PTPRG: variants seen among roughly 807,000 people sequenced by gnomAD.
PTPRG encodes receptor-type tyrosine-protein phosphatase gamma.
PTPRG carries 102 observed loss-of-function variants against 165.3 expected under a neutral mutation model. The observed-to-expected ratio is 0.62, with a 90% CI of 0.53 to 0.73. The LOEUF is 0.73. Ranked by LOEUF, PTPRG falls within the 30% of genes least tolerant of loss-of-function variation. The pLI is 0.00. For synonymous variants in PTPRG, 675 were observed against 669.5 expected (o/e 1.01, Z -0.13); for missense variants, 1,866 against 1,861.4 (o/e 1.00, Z -0.05).
intron 2 of PTPRG, among the ~76,000 whole-genome samples, chr3:61,904,845 C>T (rs1458215481): frequency 2.6e-5 from 4 of 151,908 alleles, no homozygotes; most frequent in Non-Finnish European, 5.9e-5. Flanking sequence ...GGGTTTTCAT[C>T]CTAGTAAAGA....
intron 13 of PTPRG, among the ~76,000 whole-genome samples, chr3:62,225,517 T>A (rs373957233): frequency 1.2e-4 from 18 of 151,394 alleles, no homozygotes; most frequent in African/African-American, 9.8e-5. Context: ...TTTTTAGTTT[T>A]GTTTTTTTTT....
At chr3:61,813,338 AAAAAAAAAT>A (rs1051359960) in intron 2 of PTPRG, among the ~76,000 whole-genome samples, 26 of 150,460 alleles carry the variant, frequency 1.7e-4, no homozygotes, top group African/African-American at 4.6e-4. Context: ...AAAAAAAAAA[AAAAAAAAAT>A]AGAAAAAAAA....
intron 1 of PTPRG, among the ~76,000 whole-genome samples, chr3:61,677,096 T>C (rs1174612637): frequency 6.6e-6 from 1 of 151,812 alleles, no homozygotes; most frequent in Non-Finnish European, 1.5e-5. Flanking sequence ...AATATAAAAA[T>C]TAGCTGGGCA....
intron 1 of PTPRG, among the ~76,000 whole-genome samples, chr3:61,574,694 G>C (rs1360708334): frequency 6.6e-6 from 1 of 152,184 alleles, no homozygotes; most frequent in Non-Finnish European, 1.5e-5. Context: ...AGTTTATAAA[G>C]AAAAGAGGTT....
At chr3:61,642,386 G>T (rs1702091313) in intron 1 of PTPRG, among the ~76,000 whole-genome samples, 1 of 152,188 alleles carries the variant, frequency 6.6e-6, no homozygotes, top group African/African-American at 2.4e-5. Context: ...GAGATCTTCT[G>T]TTCTGGTGAT....
In PTPRG at chr3:62,203,712, G is replaced by C; in HGVS notation, c.1917G>C (p.Gln639His). Residue 639 changes from glutamine to histidine, a missense_variant, in exon 12 of 30, where the codon CAG (glutamine) becomes CAC (histidine). Physicochemically the swap from Gln to His is conservative, Grantham distance 24 (BLOSUM62 0). Transcript: ENST00000474889. This position sits in a 1 kb window ranked among gnomAD's most constrained non-coding sequence, Gnocchi z 6.4. ...SPNRTAEGGH[Q>H]TIPGHEQDHT... Reference sequence around the variant, plus strand: ...ACAGGACTGCCGAGGGAGGGCATCAGACTATACCTGGGCATGAGCAGGATC... The same window carrying C: ...ACAGGACTGCCGAGGGAGGGCATCACACTATACCTGGGCATGAGCAGGATC... 1 of 1,584,926 alleles carries C rather than the reference G, an allele frequency of 6.3e-7. No homozygotes were observed. Among genetic ancestry groups the C allele is most frequent in the Non-Finnish European group, 8.6e-7 (1 of 1,164,946 alleles).
intron 4 of PTPRG, among the ~76,000 whole-genome samples, chr3:62,059,123 C>G (rs944240035): frequency 6.6e-6 from 1 of 152,210 alleles, no homozygotes; most frequent in Non-Finnish European, 1.5e-5. Context: ...GTTTCTTAAC[C>G]TTCCTAAAAT....
At chr3:62,225,780 G>A (rs118168314) in intron 13 of PTPRG, among the ~76,000 whole-genome samples, 11 of 150,762 alleles carry the variant, frequency 7.3e-5, no homozygotes, top group South Asian at 2.1e-4. Context: ...TCAGCCTCTC[G>A]CATAGCAGGG....
Position 62,132,742 on chromosome 3 carries a change from T to C in PTPRG, c.682+74T>C, listed in dbSNP as rs1703564911. Reference sequence around the variant, plus strand: ...ATCTCTACCTAAAAGAATCAGGTTATCTTGCAGAGGACAGAGGGTGACACC... The same window carrying C: ...ATCTCTACCTAAAAGAATCAGGTTACCTTGCAGAGGACAGAGGGTGACACC... On this transcript the variant is annotated intron_variant, in intron 6 of 29. Coordinates refer to ENST00000474889, the MANE Select transcript of PTPRG (RefSeq NM_002841.4). The C allele has an allele frequency of 3.0e-6, 4 of 1,340,662 alleles. No individual in the cohort carries two copies. The South Asian group carries it at 3.5e-5, about 12-fold the overall frequency. The allele number at this position is 1,340,662 out of a possible 1,614,324, so 83.0% of individuals were successfully genotyped here. A position where few individuals can be genotyped will look rare whatever the true frequency, so the allele number is the denominator to read the frequency against.
intron 6 of PTPRG, among the ~76,000 whole-genome samples, chr3:62,137,754 A>G (rs953887550): frequency 3.3e-4 from 50 of 151,736 alleles, no homozygotes; most frequent in African/African-American, 1.2e-3. Context: ...TATAAAATCC[A>G]CTCTTCGTCG....
At chr3:61,895,164 C>T (rs1382448987) in intron 2 of PTPRG, among the ~76,000 whole-genome samples, 1 of 152,130 alleles carries the variant, frequency 6.6e-6, no homozygotes, top group Non-Finnish European at 1.5e-5. Flanking sequence ...GCTTCTGAAA[C>T]TCATGCGTAT....
chr3:62,191,506 T>C lies in PTPRG; in HGVS notation c.1071T>C (p.Pro357=). 1 of 1,614,076 alleles carries C rather than the reference T, an allele frequency of 6.2e-7. No homozygotes were observed. Among genetic ancestry groups the C allele is most frequent in the East Asian group, 2.2e-5 (1 of 44,876 alleles). ...CACCCATCCACATGAAGGTGCAGCCTCTGAACCAGACGGCACTGCAGGTGT... is the reference window on the plus strand; with the variant it reads ...CACCCATCCACATGAAGGTGCAGCCCCTGAACCAGACGGCACTGCAGGTGT... ...SSPPIHMKVQ[P]LNQTALQVSW... is the part of the protein sequence containing the mutation. The change falls in exon 9 of 30, where the codon CCT becomes CCC. Residue 357 remains proline, a synonymous_variant. Coordinates refer to ENST00000474889, the MANE Select transcript of PTPRG (RefSeq NM_002841.4).
intron 1 of PTPRG, among the ~76,000 whole-genome samples, chr3:61,563,596 C>T (rs1192240064): frequency 6.6e-6 from 1 of 152,188 alleles, no homozygotes; most frequent in Non-Finnish European, 1.5e-5. Context: ...GAGAATTCCC[C>T]GTTTTTCTGC....
chr3:62,111,064 GC>G (rs1252546585), intron 5 of PTPRG, among the ~76,000 whole-genome samples: 5 of 152,204 alleles, frequency 3.3e-5, no homozygotes, highest in Non-Finnish European at 7.3e-5. Flanking sequence ...GATTCTTGGA[GC>G]CAGATGTAGG....
At position 62,293,223 on chromosome 3, in the gene PTPRG, T is replaced by C; in HGVS notation, c.4254T>C (p.Asn1418=). 11 of 1,611,612 alleles carry C rather than the reference T, an allele frequency of 6.8e-6. No homozygotes were observed. Among genetic ancestry groups the C allele is most frequent in the Non-Finnish European group, 9.3e-6 (11 of 1,179,050 alleles). Reference sequence around the variant, plus strand: ...TGGTCAGCACTAAAGAAAATGGAAATGGTCCCATGACAGTAGACAAAAATG... The same window carrying C: ...TGGTCAGCACTAAAGAAAATGGAAACGGTCCCATGACAGTAGACAAAAATG... ...LSLVSTKENG[N]GPMTVDKNGA... Residue 1418 remains asparagine (N), a synonymous_variant, in exon 30 of 30, where the codon AAT becomes AAC. Transcript: ENST00000474889.
intron 1 of PTPRG, among the ~76,000 whole-genome samples, chr3:61,656,050 C>T (rs1044846451): frequency 1.5e-5 from 2 of 135,150 alleles, no homozygotes; most frequent in African/African-American, 3.0e-5. Flanking sequence ...CCCCCCCCCC[C>T]CCGACCATCT....
At chr3:61,619,251 C>G (rs1308963433) in intron 1 of PTPRG, among the ~76,000 whole-genome samples, 1 of 152,066 alleles carries the variant, frequency 6.6e-6, no homozygotes, top group African/African-American at 2.4e-5. Flanking sequence ...AAAGGATGGG[C>G]TTGACAGTCT....
chr3:62,090,040 G>A (rs1701877850), intron 5 of PTPRG, among the ~76,000 whole-genome samples: 1 of 152,096 alleles, frequency 6.6e-6, no homozygotes, highest in South Asian at 2.1e-4. Flanking sequence ...TATAACAGAG[G>A]ACTCTTATGT....
chr3:62,161,017 G>T (rs1704739229), intron 7 of PTPRG, among the ~76,000 whole-genome samples: 1 of 152,030 alleles, frequency 6.6e-6, no homozygotes, highest in Non-Finnish European at 1.5e-5. Flanking sequence ...AACTGCCTGG[G>T]TTCCATTTAT....
Sources: gnomAD v4.1 joint callset for allele counts (sites outside exome capture counted in the v4.1 genomes callset) on GRCh38, gnomAD v4.1.1 for gene constraint, Gnocchi (gnomAD v3.1) non-coding constraint, MANE v1.5 for transcripts, NCBI Gene and HGNC (gene_info 2026-07-23, HGNC 2026-07-21) for gene names.